Variants in ZFPM1 observed in about 807,000 individuals in gnomAD.
ZFPM1 encodes zinc finger protein ZFPM1.
In ZFPM1, 28 loss-of-function variants were observed where a neutral mutation model predicts 46.3. The ratio of observed to expected loss-of-function variants is 0.60; its 90% confidence interval spans 0.45 to 0.83. The LOEUF is 0.83. Ranked by LOEUF, ZFPM1 falls within the 40% of genes least tolerant of loss-of-function variation. The probability of loss-of-function intolerance (pLI) is 0.00; values close to 1 mark genes in which losing one functional copy is unlikely to be tolerated. For missense variants in ZFPM1, 1,878 were observed against 1,432.4 expected (o/e 1.31, Z -5.02); for synonymous variants, 957 against 675.9 (o/e 1.42, Z -6.45).
chr16:88,535,098 AG>A lies in ZFPM1; in HGVS notation c.*124del. ...CCCCGCCACGCACAGGCCTCGGCGG[AG>A]GGGGCCGCAGGGGGCAGCGCCCGCC... On this transcript the variant is annotated 3_prime_UTR_variant, in exon 10 of 10. Coordinates refer to ENST00000319555, the MANE Select transcript of ZFPM1 (RefSeq NM_153813.3). 8.3e-7 allele frequency: 1 copy of A among 1,202,384 alleles called. No homozygotes were observed. The highest frequency in any genetic ancestry group is 1.1e-6 in the Non-Finnish European group (1 of 931,624). 74.5% of individuals were successfully genotyped at this position (1,202,384 alleles called of 1,614,324 possible).
intron 1 of ZFPM1, among the ~76,000 whole-genome samples, chr16:88,467,525 C>T (rs1401163620): frequency 6.6e-6 from 1 of 152,250 alleles, no homozygotes; most frequent in African/African-American, 2.4e-5. Flanking sequence ...TGCCAGTCGC[C>T]CTCTCAGAGT....
chr16:88,481,326 C>T (rs1297563073), intron 1 of ZFPM1, among the ~76,000 whole-genome samples: 1 of 152,094 alleles, frequency 6.6e-6, no homozygotes, highest in African/African-American at 2.4e-5. Flanking sequence ...GGTCCCAGGG[C>T]GAGGGAGGCG....
intron 5 of ZFPM1, 52 bp from the exon 6 acceptor site, chr16:88,527,980 G>A (rs1348494030): frequency 6.8e-7 from 1 of 1,478,762 alleles, no homozygotes; most frequent in Non-Finnish European, 9.1e-7. Context: ...TTTAAGACGG[G>A]ACAGGGAAGT....
At chr16:88,487,546 G>A (rs1291517139) in intron 2 of ZFPM1, among the ~76,000 whole-genome samples, 2 of 152,124 alleles carry the variant, frequency 1.3e-5, no homozygotes, top group Non-Finnish European at 2.9e-5. Context: ...GTGGGGGAGA[G>A]GTTTCAGAGG....
intron 1 of ZFPM1, among the ~76,000 whole-genome samples, chr16:88,479,246 A>G (rs567436226): frequency 1.3e-5 from 2 of 152,006 alleles, no homozygotes; most frequent in Non-Finnish European, 2.9e-5. Context: ...CCCCACTTTG[A>G]TGGCGGGGCT....
At chr16:88,479,715 T>G (rs1189848170) in intron 1 of ZFPM1, among the ~76,000 whole-genome samples, 1 of 101,166 alleles carries the variant, frequency 9.9e-6, no homozygotes. Flanking sequence ...ACCCACCTGC[T>G]ACCCAGGGCC....
chr16:88,532,351 G>A (rs1245837341), intron 7 of ZFPM1, 116 bp downstream of exon 7: 2 of 1,097,916 alleles, frequency 1.8e-6, no homozygotes, highest in African/African-American at 1.6e-5. Flanking sequence ...ATTCACCTGC[G>A]CGGTCTCCGG....
chr16:88,517,184 G>GGATGGATGGGTA (rs1911361696), intron 4 of ZFPM1, among the ~76,000 whole-genome samples: 1 of 12,694 alleles, frequency 7.9e-5, no homozygotes, highest in African/African-American at 1.6e-4. Context: ...ATGGGTAGAT[G>GGATGGATGGGTA]GATGGATGGA....
intron 3 of ZFPM1, among the ~76,000 whole-genome samples, chr16:88,505,577 C>A (rs543558510): frequency 1.3e-5 from 2 of 152,182 alleles, no homozygotes; most frequent in African/African-American, 2.4e-5. Flanking sequence ...CATCGCCCTC[C>A]GCACGACGGC....
intron 1 of ZFPM1, among the ~76,000 whole-genome samples, chr16:88,455,557 C>T (rs1466649629): frequency 6.7e-6 from 1 of 150,372 alleles, no homozygotes; most frequent in East Asian, 2.0e-4. Context: ...TGCCTGCCCG[C>T]TGCCCTGGCC....
At chr16:88,529,045 C>T (rs985112314) in intron 6 of ZFPM1, among the ~76,000 whole-genome samples, 1 of 152,218 alleles carries the variant, frequency 6.6e-6, no homozygotes. Flanking sequence ...CGTGGGAGGC[C>T]GAGGCAGGAG....
chr16:88,474,343 C>G (rs914626083), intron 1 of ZFPM1, among the ~76,000 whole-genome samples: 1 of 152,190 alleles, frequency 6.6e-6, no homozygotes, highest in South Asian at 2.1e-4. Context: ...GTGGCCAGAG[C>G]TGGGGGGCTG....
chr16:88,462,535 A>T (rs893033580), intron 1 of ZFPM1, among the ~76,000 whole-genome samples: 4 of 152,162 alleles, frequency 2.6e-5, no homozygotes, highest in African/African-American at 9.7e-5. Context: ...TGCTGTGCCT[A>T]GGACCTGCAT....
chr16:88,516,603 T>G (rs1333396965), intron 4 of ZFPM1: 2 of 398,562 alleles, frequency 5.0e-6, no homozygotes, highest in African/African-American at 4.1e-5. Context: ...AGACACACCG[T>G]ACAAGATGAT....
Position 88,534,697 on chromosome 16 carries a change from G to A in ZFPM1, c.2739G>A (p.Gly913=), listed in dbSNP as rs1428706925. The A allele has an allele frequency of 1.0e-6, 1 of 982,816 alleles. No individual in the cohort carries two copies. Among genetic ancestry groups the A allele is most frequent in the African/African-American group, 1.8e-5 (1 of 55,600 alleles). The allele number at this position is 982,816 out of a possible 1,614,324, so 60.9% of individuals were successfully genotyped here. ...CCCCCGCCGCCTCCCCGCAGCCCGG[G>A]TCCCGTGGCCCCCGGGACGGCCTCG... ...APAPAASPQP[G]SRGPRDGLGP... The change falls in exon 10 of 10, where the codon GGG becomes GGA. Residue 913 remains glycine, a synonymous_variant. Coordinates refer to ENST00000319555, the MANE Select transcript of ZFPM1 (RefSeq NM_153813.3).
intron 5 of ZFPM1, among the ~76,000 whole-genome samples, chr16:88,527,645 G>A (rs1912451839): frequency 6.6e-6 from 1 of 151,990 alleles, no homozygotes; most frequent in Non-Finnish European, 1.5e-5. Flanking sequence ...GCGGGTGGCT[G>A]CAGGAAGAGC....
chr16:88,487,971 C>G (rs1300898878), intron 2 of ZFPM1, among the ~76,000 whole-genome samples: 2 of 152,262 alleles, frequency 1.3e-5, no homozygotes, highest in Non-Finnish European at 2.9e-5. Context: ...GCACACGCTG[C>G]TCGTGGTACA....
At chr16:88,462,183 CT>C (rs1358306531) in intron 1 of ZFPM1, among the ~76,000 whole-genome samples, 1 of 152,222 alleles carries the variant, frequency 6.6e-6, no homozygotes, top group Non-Finnish European at 1.5e-5. Flanking sequence ...CCAGCTTCCC[CT>C]GGGCTGCTGG....
In ZFPM1 at chr16:88,453,486, TG is replaced by T; in HGVS notation, c.-150del. The T allele has an allele frequency of 4.8e-6, 1 of 209,394 alleles. No individual in the cohort carries two copies. The highest frequency in any genetic ancestry group is 7.8e-6 in the Non-Finnish European group (1 of 129,020). 13.0% of individuals were successfully genotyped at this position (209,394 alleles called of 1,614,324 possible). A position where few individuals can be genotyped will look rare whatever the true frequency, so the allele number is the denominator to read the frequency against. Reference sequence around the variant, plus strand: ...GCGGCAGCTCCAGCGGCTCCGGGGCTGGGCGCGCGGGCTGGGGGCGCGGGCC... The same window carrying T: ...GCGGCAGCTCCAGCGGCTCCGGGGCTGGCGCGCGGGCTGGGGGCGCGGGCC... On this transcript the variant is annotated 5_prime_UTR_variant, in exon 1 of 10. Coordinates refer to ENST00000319555, the MANE Select transcript of ZFPM1 (RefSeq NM_153813.3).
Sources: allele counts gnomAD v4.1 joint callset (sites outside exome capture counted in the v4.1 genomes callset), GRCh38; gene constraint gnomAD v4.1.1; transcripts MANE v1.5; gene names NCBI Gene and HGNC (gene_info 2026-07-23, HGNC 2026-07-21).